The following OR1J2 variants were observed in gnomAD, a reference collection of about 807,000 sequenced individuals.
The protein encoded by OR1J2 is olfactory receptor family 1 subfamily J member 2.
For synonymous variants in OR1J2, 142 were observed against 99.7 expected (o/e 1.42, Z -2.52); for missense variants, 304 against 246.1 (o/e 1.24, Z -1.57).
the OR1J2 span, among the ~76,000 whole-genome samples, chr9:122,493,612 C>T: frequency 1.3e-5 from 2 of 152,050 alleles, no homozygotes; most frequent in African/African-American, 4.8e-5. Context: ...GTTAATCTCA[C>T]TAATGGTCTA....
chr9:122,454,854 TTTAAC>T, the OR1J2 span, among the ~76,000 whole-genome samples: 10 of 152,268 alleles, frequency 6.6e-5, no homozygotes, highest in African/African-American at 2.4e-4. Context: ...TTTGTTTATC[TTTAAC>T]TTTAGGTTTC....
the OR1J2 span, among the ~76,000 whole-genome samples, chr9:122,523,732 T>C: frequency 0.046 from 7,036 of 152,214 alleles, 225 homozygotes; most frequent in Middle Eastern, 0.082. Context: ...CCTTAAATAA[T>C]TTTGATTAGG....
the OR1J2 span, among the ~76,000 whole-genome samples, chr9:122,520,854 A>G: frequency 1.3e-5 from 2 of 152,224 alleles, no homozygotes; most frequent in Non-Finnish European, 2.9e-5. Context: ...TTATATGCCC[A>G]AGTCATCTTT....
At chr9:122,462,798 T>A in the OR1J2 span, among the ~76,000 whole-genome samples, 136,469 of 152,252 alleles carry the variant, frequency 0.9, 61,435 homozygotes, top group African/African-American at 0.97. Flanking sequence ...CTGCTCTGTT[T>A]GTCTGATAGG....
the OR1J2 span, among the ~76,000 whole-genome samples, chr9:122,518,941 C>G: frequency 6.6e-6 from 1 of 152,224 alleles, no homozygotes; most frequent in East Asian, 1.9e-4. Context: ...ACCCTCTACT[C>G]TCTTGGCGAA....
chr9:122,572,275 C>G, the OR1J2 span, among the ~76,000 whole-genome samples: 1 of 152,164 alleles, frequency 6.6e-6, no homozygotes, highest in African/African-American at 2.4e-5. Flanking sequence ...AGATCCAAAC[C>G]ATATCAAATA....
chr9:122,553,418 G>T, the OR1J2 span: 1 of 1,614,142 alleles, frequency 6.2e-7, no homozygotes, highest in Non-Finnish European at 8.5e-7. Flanking sequence ...TGGCCAACCT[G>T]TCATTAACTG....
the OR1J2 span, chr9:122,554,199 C>A: frequency 1.3e-6 from 2 of 1,500,718 alleles, no homozygotes; most frequent in African/African-American, 1.4e-5. Context: ...TCTTGATCAA[C>A]CCCTCCCTGT....
chr9:122,524,723 G>A, the OR1J2 span, among the ~76,000 whole-genome samples: 1 of 152,188 alleles, frequency 6.6e-6, no homozygotes, highest in Non-Finnish European at 1.5e-5. Context: ...TAGACACCAT[G>A]AGTAAAGAAG....
the OR1J2 span, among the ~76,000 whole-genome samples, chr9:122,550,657 C>T: frequency 8.2e-4 from 125 of 151,524 alleles, no homozygotes; most frequent in East Asian, 5.4e-3. Context: ...ACCTTATAAT[C>T]ATCTCAATAG....
the OR1J2 span, among the ~76,000 whole-genome samples, chr9:122,487,614 G>T: frequency 6.6e-6 from 1 of 152,202 alleles, no homozygotes; most frequent in African/African-American, 2.4e-5. Context: ...AGCTGGAACA[G>T]TGAGAAAAGT....
upstream of OR1J2, among the ~76,000 whole-genome samples, chr9:122,506,705 G>T (rs576650981): frequency 8.5e-5 from 13 of 152,250 alleles, no homozygotes; most frequent in African/African-American, 2.9e-4. Context: ...TTGGCATGGG[G>T]AGAAGAGATA....
chr9:122,548,715 G>A, the OR1J2 span, among the ~76,000 whole-genome samples: 2 of 151,432 alleles, frequency 1.3e-5, no homozygotes, highest in Non-Finnish European at 2.9e-5. Flanking sequence ...TTTACATTAG[G>A]TATATCTCCT....
downstream of OR1J2, among the ~76,000 whole-genome samples, chr9:122,513,272 A>G (rs888966294): frequency 7.9e-5 from 12 of 152,240 alleles, no homozygotes; most frequent in African/African-American, 2.7e-4. Context: ...CTATGTAAGC[A>G]GTAACTGGGA....
chr9:122,462,549 C>T, the OR1J2 span, among the ~76,000 whole-genome samples: 136,474 of 152,256 alleles, frequency 0.9, 61,430 homozygotes, highest in African/African-American at 0.97. Flanking sequence ...AGATTCTATT[C>T]TGGTGTATTT....
chr9:122,576,287 G>A, the OR1J2 span, among the ~76,000 whole-genome samples: 1 of 151,842 alleles, frequency 6.6e-6, no homozygotes, highest in Non-Finnish European at 1.5e-5. Context: ...AGTGGCATGA[G>A]CTCAGCCCAC....
the OR1J2 span, among the ~76,000 whole-genome samples, chr9:122,562,493 C>A: frequency 6.6e-6 from 1 of 152,208 alleles, no homozygotes; most frequent in Non-Finnish European, 1.5e-5. Context: ...TTGCACAGTT[C>A]TGTGGAAAAA....
the OR1J2 span, among the ~76,000 whole-genome samples, chr9:122,482,858 G>A: frequency 6.6e-6 from 1 of 152,184 alleles, no homozygotes; most frequent in Non-Finnish European, 1.5e-5. Flanking sequence ...GAGCCTGGGA[G>A]GGTGAGCAGG....
chr9:122,491,574 TGGAGAA>T, the OR1J2 span, among the ~76,000 whole-genome samples: 1 of 151,696 alleles, frequency 6.6e-6, no homozygotes, highest in Non-Finnish European at 1.5e-5. Context: ...CAACCAGAGA[TGGAGAA>T]GGAGAATATA....
Sources: allele counts gnomAD v4.1 joint callset (sites outside exome capture counted in the v4.1 genomes callset), GRCh38; gene constraint gnomAD v4.1.1; transcripts MANE v1.5; gene names NCBI Gene and HGNC (gene_info 2026-07-23, HGNC 2026-07-21).